PDCL2: variants seen among roughly 807,000 people sequenced by gnomAD.
The protein encoded by PDCL2 is phosducin-like protein 2.
A neutral mutation model predicts 30.3 loss-of-function variants in PDCL2; 23 were observed. The observed-to-expected ratio is 0.76, with a 90% CI of 0.55 to 1.08. The LOEUF (loss-of-function observed/expected upper bound fraction) is 1.08. Among genes scored for constraint, PDCL2 ranks in the 50% least tolerant of loss-of-function variants. PDCL2 has a pLI of 0.00. For missense variants in PDCL2, 243 were observed against 282.3 expected (o/e 0.86, Z 1.00); for synonymous variants, 68 against 86.2 (o/e 0.79, Z 1.17).
intron 4 of PDCL2, among the ~76,000 whole-genome samples, chr4:55,563,500 G>C (rs1389241220): frequency 6.6e-6 from 1 of 152,214 alleles, no homozygotes; most frequent in Non-Finnish European, 1.5e-5. Flanking sequence ...GGCCAACATG[G>C]TGAAACCCTG....
chr4:55,581,149 G>T lies in PDCL2; in HGVS notation c.128-238C>A, dbSNP rs187411069. Among the ~76,000 whole-genome samples, 15 of 152,150 alleles carry T rather than the reference G, an allele frequency of 9.9e-5. No individual in the cohort carries two copies. The East Asian group carries it at 2.7e-3, about 27-fold the overall frequency. ...ATCTCTACTAAAAATACAAAAATTA[G>T]TCAGGTGTGGTGGCAGGCACCTGTA... On this transcript the variant is annotated intron_variant, in intron 2 of 5. Coordinates refer to ENST00000295645, the MANE Select transcript of PDCL2 (RefSeq NM_152401.3).
chr4:55,562,449 A>G lies in PDCL2; in HGVS notation c.526T>C (p.Phe176Leu). Reference protein sequence around the residue: ...VYKNGQIEAKFIGIIECGGIN... With the variant: ...VYKNGQIEAKLIGIIECGGIN... ...CCTCCACATTCTATAATTCCAATGA[A>G]TTTGGCTTCTATCTGACCATTTTTA... Residue 176 changes from phenylalanine to leucine, a missense_variant, in exon 5 of 6, where the codon TTC (phenylalanine) becomes CTC (leucine). By Grantham distance (22) the Phe-to-Leu change is conservative. Transcript: ENST00000295645. The G allele has an allele frequency of 6.6e-7, 1 of 1,509,864 alleles. No individual in the cohort carries two copies. 93.5% of individuals were successfully genotyped at this position (1,509,864 alleles called of 1,614,324 possible). A position where few individuals can be genotyped will look rare whatever the true frequency, so the allele number is the denominator to read the frequency against.
At chr4:55,589,842 A>G (rs1207671840) in intron 1 of PDCL2, among the ~76,000 whole-genome samples, 1 of 152,176 alleles carries the variant, frequency 6.6e-6, no homozygotes. Flanking sequence ...AAACAAAAGA[A>G]GAAGGGTATG....
chr4:55,582,637 AG>A (rs1732753709), intron 1 of PDCL2, among the ~76,000 whole-genome samples: 1 of 152,120 alleles, frequency 6.6e-6, no homozygotes, highest in African/African-American at 2.4e-5. Flanking sequence ...TTTAAGTTCT[AG>A]GGTACATGTG....
chr4:55,590,503 C>G (rs373582739), intron 1 of PDCL2, among the ~76,000 whole-genome samples: 5 of 151,260 alleles, frequency 3.3e-5, no homozygotes, highest in East Asian at 1.9e-4. Flanking sequence ...TTTTTCCCCC[C>G]CGAGATGGAA....
chr4:55,570,689 T>C (rs562830117), intron 3 of PDCL2, among the ~76,000 whole-genome samples: 5 of 152,318 alleles, frequency 3.3e-5, no homozygotes, highest in African/African-American at 1.2e-4. Flanking sequence ...TATCTATCCA[T>C]AGAGAACCTT....
intron 1 of PDCL2, 111 bp downstream of exon 1, chr4:55,591,993 T>C (rs1733014947): frequency 6.9e-7 from 1 of 1,441,778 alleles, no homozygotes; most frequent in Non-Finnish European, 9.4e-7. Flanking sequence ...CAAGAACAAA[T>C]GTTAGAGCCT....
At position 55,562,266 on chromosome 4, in the gene PDCL2, AAATT is replaced by A. The variant is rs780573809; in HGVS notation, c.571+134_571+137del. The A allele has an allele frequency of 4.4e-4, 207 of 471,006 alleles. 1 individual carries two copies. The highest frequency in any genetic ancestry group is 4.9e-4 in the Non-Finnish European group (136 of 275,470). 29.2% of individuals were successfully genotyped at this position (471,006 alleles called of 1,614,324 possible). On this transcript the variant is annotated intron_variant, in intron 5 of 5. Transcript: ENST00000295645. ...GTGTTATTAGAGTATTACTATAGGA[AAATT>A]AATCTGGAGGCATATAAAAAGAGAC...
intron 1 of PDCL2, among the ~76,000 whole-genome samples, chr4:55,584,775 T>C (rs1732816667): frequency 6.6e-6 from 1 of 152,190 alleles, no homozygotes; most frequent in South Asian, 2.1e-4. Flanking sequence ...TGGTACTATA[T>C]TGAATAGAAG....
rs143938099 is a variant in PDCL2, at chr4:55,557,137, CTGA to C, written c.572-429_572-427del. On this transcript the variant is annotated intron_variant, in intron 5 of 5. Transcript: ENST00000295645. ...ACAGGCGTGAGCCACCACGCCCAGCCTGATGATATCTTTAGAACCGGGTGACAG... is the reference window on the plus strand; with the variant it reads ...ACAGGCGTGAGCCACCACGCCCAGCCTGATATCTTTAGAACCGGGTGACAG... 4.0e-4 allele frequency among the ~76,000 whole-genome samples: 61 copies of C among 152,304 alleles called. No homozygotes were observed. In the East Asian group the frequency reaches 0.011, roughly 27 times the overall value.
rs915006427 is a variant in PDCL2, at chr4:55,582,244, A to G, written c.7-7T>C. On this transcript the variant is annotated splice_region_variant and splice_polypyrimidine_tract_variant and intron_variant, in intron 1 of 5. Transcript: ENST00000295645. ...CTGTATCTTCATTGGGATCCTACAC[A>G]AAAAGAAAAGAAAAGAAAATTAACA... The G allele has an allele frequency of 1.9e-6, 3 of 1,583,564 alleles. No homozygotes were observed. Among genetic ancestry groups the G allele is most frequent in the Non-Finnish European group, 2.6e-6 (3 of 1,171,110 alleles).
chr4:55,592,110 G>A lies in PDCL2; in HGVS notation c.-1C>T, dbSNP rs1166258747. The A allele has an allele frequency of 6.2e-7, 1 of 1,609,560 alleles. No homozygotes were observed. Among genetic ancestry groups the A allele is most frequent in the Non-Finnish European group, 8.5e-7 (1 of 1,178,552 alleles). On this transcript the variant is annotated 5_prime_UTR_variant, in exon 1 of 6. Transcript: ENST00000295645. The stretch of plus-strand genomic sequence containing the variant: ...GGCAGGTCCCGACCCTCACCTGCAT[G>A]ATGCGCTGCTCTGCCCCTCAAGAGC...
At chr4:55,580,702 G>T in intron 3 of PDCL2, 119 bp downstream of exon 3, 1 of 640,256 alleles carries the variant, frequency 1.6e-6, no homozygotes, top group Non-Finnish European at 2.4e-6. Flanking sequence ...GTTTCAAAAT[G>T]TTACTTAAAA....
At chr4:55,557,750 A>C (rs1031125465) in intron 5 of PDCL2, among the ~76,000 whole-genome samples, 2 of 152,010 alleles carry the variant, frequency 1.3e-5, no homozygotes, top group African/African-American at 4.8e-5. Flanking sequence ...AATCAGATAT[A>C]GGTAAGACTC....
chr4:55,589,422 T>A (rs1191913974), intron 1 of PDCL2, among the ~76,000 whole-genome samples: 6 of 152,212 alleles, frequency 3.9e-5, no homozygotes, highest in Admixed American at 3.9e-4. Flanking sequence ...AATTCACAGT[T>A]TAAGGTTGCT....
chr4:55,568,252 C>T (rs1732321357), intron 4 of PDCL2, among the ~76,000 whole-genome samples: 1 of 152,194 alleles, frequency 6.6e-6, no homozygotes, highest in South Asian at 2.1e-4. Context: ...GGACCTAAAG[C>T]TAGAAGGACT....
intron 5 of PDCL2, among the ~76,000 whole-genome samples, chr4:55,557,951 C>A (rs1407349455): frequency 1.0e-4 from 13 of 126,300 alleles, no homozygotes; most frequent in African/African-American, 2.1e-4. Context: ...ACTAAAAATA[C>A]AAAAAAAAAA....
At chr4:55,586,428 T>C (rs772184269) in intron 1 of PDCL2, among the ~76,000 whole-genome samples, 1 of 152,244 alleles carries the variant, frequency 6.6e-6, no homozygotes, top group Non-Finnish European at 1.5e-5. Flanking sequence ...GGTGGAACCA[T>C]ACAATAGTTG....
At chr4:55,559,029 T>C (rs1577902867) in intron 5 of PDCL2, among the ~76,000 whole-genome samples, 1 of 152,114 alleles carries the variant, frequency 6.6e-6, no homozygotes, top group Non-Finnish European at 1.5e-5. Flanking sequence ...AAAAAATCCA[T>C]AACCTCACTT....
Sources: gnomAD v4.1 joint callset for allele counts (sites outside exome capture counted in the v4.1 genomes callset) on GRCh38, gnomAD v4.1.1 for gene constraint, MANE v1.5 for transcripts, NCBI Gene and HGNC (gene_info 2026-07-23, HGNC 2026-07-21) for gene names.